Variants in ELF3 observed in about 807,000 individuals in gnomAD.
ELF3 encodes E74 like ETS transcription factor 3.
A neutral mutation model predicts 43.9 loss-of-function variants in ELF3; 18 were observed. The observed-to-expected ratio is 0.41, with a 90% confidence interval of 0.28 to 0.61. The LOEUF (loss-of-function observed/expected upper bound fraction) is 0.61, where lower values mean the gene tolerates loss of function less well. Ranked by LOEUF, ELF3 falls within the 20% of genes least tolerant of loss-of-function variation. The pLI is 0.30. For synonymous variants in ELF3, 181 were observed against 190.2 expected, an observed-to-expected ratio of 0.95 and a Z score of 0.40; for missense variants, 373 against 487.7, an observed-to-expected ratio of 0.76 and a Z score of 2.21.
At chr1:202,011,034 T>C in intron 1 of ELF3, 95 bp from the exon 2 acceptor site, 1 of 1,430,976 alleles carries the variant, frequency 7.0e-7, no homozygotes, top group Non-Finnish European at 9.6e-7. Flanking sequence ...TGGGGGCTAC[T>C]CTTGCCCAGG....
Position 202,015,450 on chromosome 1 carries a change from T to A in ELF3, c.*127T>A. On this transcript the variant is annotated 3_prime_UTR_variant, in exon 9 of 9. Coordinates refer to ENST00000367284, the MANE Select transcript of ELF3 (RefSeq NM_004433.5). ...TCCCAGCTGTGCTGTGGAGAGAAGC[T>A]GATGTTTTGGTGTATTGTCAGCCAT... is the stretch of plus-strand genomic sequence containing the variant. The A allele has an allele frequency of 1.1e-6, 1 of 915,298 alleles. No individual in the cohort carries two copies. The highest frequency in any genetic ancestry group is 1.7e-6 in the Non-Finnish European group (1 of 598,742). 56.7% of individuals were successfully genotyped at this position (915,298 alleles called of 1,614,324 possible). A position where few individuals can be genotyped will look rare whatever the true frequency, so the allele number is the denominator to read the frequency against.
At position 202,010,631 on chromosome 1, in the gene ELF3, C is replaced by T. The variant is rs1449459068; in HGVS notation, c.-84C>T. On this transcript the variant is annotated 5_prime_UTR_variant, in exon 1 of 9. Transcript: ENST00000367284. The surrounding 1 kb of genome is among the most constrained non-coding windows in gnomAD (Gnocchi z 4.3). ...GTAGGGGAGCGCAGCGGCCAGATAC[C>T]TCAGCGCTACCTGGCGGAACTGGAT... is the stretch of plus-strand genomic sequence containing the variant. 6.3e-6 allele frequency: 1 copy of T among 159,978 alleles called. No homozygotes were observed. The highest frequency in any genetic ancestry group is 1.4e-5 in the Non-Finnish European group (1 of 72,572). 9.9% of individuals were successfully genotyped at this position (159,978 alleles called of 1,614,324 possible).
At position 202,012,061 on chromosome 1, in the gene ELF3, A is replaced by G. The variant is rs141645774; in HGVS notation, c.268A>G (p.Ile90Val). The change falls in exon 3 of 9, where the codon ATT (isoleucine) becomes GTT (valine). Residue 90 changes from isoleucine (I) to valine (V), a missense_variant. Ile to Val is a conservative substitution (Grantham distance 29). Around this residue, in one of 3 missense-constraint regions of ELF3, gnomAD observed 311 missense variants for 351.2 expected, o/e 0.89. Transcript: ENST00000367284. This position sits in a 1 kb window ranked among gnomAD's most constrained non-coding sequence, Gnocchi z 4.2. ...VEKNKYDASA[I>V]DFSRCDMDGA... ...GAAGAACAAGTACGACGCAAGCGCC[A>G]TTGACTTCTCACGATGTGACATGGA... 142 of 1,614,206 alleles carry G rather than the reference A, an allele frequency of 8.8e-5. No individual in the cohort carries two copies. The African/African-American group carries it at 1.5e-3, about 17-fold the overall frequency.
rs1185547721 is a variant in ELF3, at chr1:202,012,891, G to A, written c.599-56G>A. On this transcript the variant is annotated intron_variant, in intron 5 of 8. Transcript: ENST00000367284. The surrounding 1 kb of genome is among the most constrained non-coding windows in gnomAD (Gnocchi z 4.2). The stretch of plus-strand genomic sequence containing the variant: ...GGGAAGTGTGTCCTGAGAGCCAGCA[G>A]CGTGGTTGAGCAGAGGGTGGGCCGG... 1.2e-5 allele frequency: 19 copies of A among 1,571,746 alleles called. No homozygotes were observed. Among genetic ancestry groups the A allele is most frequent in the Non-Finnish European group, 5.2e-6 (6 of 1,160,618 alleles).
In ELF3 at chr1:202,015,488, C is replaced by T. The variant is rs1049799797; in HGVS notation, c.*165C>T. 2.1e-5 allele frequency: 14 copies of T among 681,712 alleles called. No homozygotes were observed. Among genetic ancestry groups the T allele is most frequent in the Admixed American group, 1.3e-4 (5 of 37,552 alleles). The allele number at this position is 681,712 out of a possible 1,614,324, so 42.2% of individuals were successfully genotyped here. A position where few individuals can be genotyped will look rare whatever the true frequency, so the allele number is the denominator to read the frequency against. ...TATTGTCAGCCATCGTCCTGGGACT[C>T]GGAGACTATGGCCTCGCCTCCCCAC... On this transcript the variant is annotated 3_prime_UTR_variant, in exon 9 of 9. Coordinates refer to ENST00000367284, the MANE Select transcript of ELF3 (RefSeq NM_004433.5).
chr1:202,013,721 T>A lies in ELF3; in HGVS notation c.806-108T>A. On this transcript the variant is annotated intron_variant, in intron 7 of 8. Transcript: ENST00000367284. The surrounding 1 kb of genome is among the most constrained non-coding windows in gnomAD (Gnocchi z 5.7). ...GCACTGCGGGGTCTCTGGAGAGGCT[T>A]GCTGCATGCTGTGGCCAAGTCAGCA... 1 of 1,259,498 alleles carries A rather than the reference T, an allele frequency of 7.9e-7. No individual in the cohort carries two copies. The highest frequency in any genetic ancestry group is 1.1e-6 in the Non-Finnish European group (1 of 915,744). The allele number at this position is 1,259,498 out of a possible 1,614,324, so 78.0% of individuals were successfully genotyped here.
chr1:202,010,829 C>A lies in ELF3; in HGVS notation c.-9+123C>A, dbSNP rs2102990797. On this transcript the variant is annotated intron_variant, in intron 1 of 8. Transcript: ENST00000367284. This position sits in a 1 kb window ranked among gnomAD's most constrained non-coding sequence, Gnocchi z 4.3. Reference sequence around the variant, plus strand: ...GATCTCCGAGCAAGAGCGTAGGTGTCCTGAGGGTCAAAGAACAGAGAGAGA... The same window carrying A: ...GATCTCCGAGCAAGAGCGTAGGTGTACTGAGGGTCAAAGAACAGAGAGAGA... 1 of 359,116 alleles carries A rather than the reference C, an allele frequency of 2.8e-6. No individual in the cohort carries two copies. Among genetic ancestry groups the A allele is most frequent in the Non-Finnish European group, 5.2e-6 (1 of 194,084 alleles). 22.2% of individuals were successfully genotyped at this position (359,116 alleles called of 1,614,324 possible).
rs1411120040 is a variant in ELF3, at chr1:202,012,876, T to C, written c.599-71T>C. On this transcript the variant is annotated intron_variant, in intron 5 of 8. Transcript: ENST00000367284. This position sits in a 1 kb window ranked among gnomAD's most constrained non-coding sequence, Gnocchi z 4.2. ...GAACAGGAACAGGCTGGGAAGTGTG[T>C]CCTGAGAGCCAGCAGCGTGGTTGAG... The C allele has an allele frequency of 4.5e-5, 70 of 1,562,508 alleles. No homozygotes were observed. Among genetic ancestry groups the C allele is most frequent in the Non-Finnish European group, 6.0e-5 (69 of 1,155,786 alleles).
intron 8 of ELF3, 77 bp from the exon 9 acceptor site, chr1:202,015,132 C>A (rs1020288130): frequency 4.0e-6 from 6 of 1,481,938 alleles, no homozygotes; most frequent in African/African-American, 1.4e-5. Context: ...GGGGGTAACG[C>A]GGGCCAGGTG....
chr1:202,014,787 A>G (rs1478701706), intron 8 of ELF3: 1 of 167,302 alleles, frequency 6.0e-6, no homozygotes, highest in Non-Finnish European at 1.3e-5. Context: ...TTGTATTTTT[A>G]GTAGAGACGG....
At position 202,015,794 on chromosome 1, in the gene ELF3, CTAATT is replaced by C. The variant is rs1400236100; in HGVS notation, c.*474_*478del. On this transcript the variant is annotated 3_prime_UTR_variant, in exon 9 of 9. Coordinates refer to ENST00000367284, the MANE Select transcript of ELF3 (RefSeq NM_004433.5). ...CCACGGGCAGGGGTCAGAGCACTCC[CTAATT>C]TATGTGCTATATAAATATGTCAGAT... 1 of 174,074 alleles carries C rather than the reference CTAATT, an allele frequency of 5.7e-6. No homozygotes were observed. Among genetic ancestry groups the C allele is most frequent in the Non-Finnish European group, 1.3e-5 (1 of 79,384 alleles). 10.8% of individuals were successfully genotyped at this position (174,074 alleles called of 1,614,324 possible).
In ELF3 at chr1:202,016,089, T is replaced by C. The variant is rs1181083539; in HGVS notation, c.*766T>C. 6.6e-6 allele frequency: 1 copy of C among 152,350 alleles called. No individual in the cohort carries two copies. Among genetic ancestry groups the C allele is most frequent in the Non-Finnish European group, 1.5e-5 (1 of 68,116 alleles). The allele number at this position is 152,350 out of a possible 1,614,324, so 9.4% of individuals were successfully genotyped here. A position where few individuals can be genotyped will look rare whatever the true frequency, so the allele number is the denominator to read the frequency against. The stretch of plus-strand genomic sequence containing the variant: ...AGGTTGGAGGGGAGGAAAATGAAGG[T>C]CTACCAGGCTGAGGGTGAGGGCAAA... On this transcript the variant is annotated 3_prime_UTR_variant, in exon 9 of 9. Coordinates refer to ENST00000367284, the MANE Select transcript of ELF3 (RefSeq NM_004433.5).
At chr1:202,014,126 G>A in intron 8 of ELF3, 102 bp downstream of exon 8, 1 of 1,368,426 alleles carries the variant, frequency 7.3e-7, no homozygotes. Context: ...TCTTGCAACA[G>A]GGCTGAGTCC....
chr1:202,015,473 C>T lies in ELF3; in HGVS notation c.*150C>T, dbSNP rs370839988. The stretch of plus-strand genomic sequence containing the variant: ...GCTGATGTTTTGGTGTATTGTCAGC[C>T]ATCGTCCTGGGACTCGGAGACTATG... On this transcript the variant is annotated 3_prime_UTR_variant, in exon 9 of 9. Coordinates refer to ENST00000367284, the MANE Select transcript of ELF3 (RefSeq NM_004433.5). 1 of 753,806 alleles carries T rather than the reference C, an allele frequency of 1.3e-6. No homozygotes were observed. Among genetic ancestry groups the T allele is most frequent in the Non-Finnish European group, 2.2e-6 (1 of 464,438 alleles). 46.7% of individuals were successfully genotyped at this position (753,806 alleles called of 1,614,324 possible). A position where few individuals can be genotyped will look rare whatever the true frequency, so the allele number is the denominator to read the frequency against.
At position 202,013,376 on chromosome 1, in the gene ELF3, T is replaced by TC; in HGVS notation, c.805+81dup. The TC allele has an allele frequency of 7.0e-7, 1 of 1,438,760 alleles. No homozygotes were observed. Among genetic ancestry groups the TC allele is most frequent in the Non-Finnish European group, 9.6e-7 (1 of 1,037,554 alleles). 89.1% of individuals were successfully genotyped at this position (1,438,760 alleles called of 1,614,324 possible). A position where few individuals can be genotyped will look rare whatever the true frequency, so the allele number is the denominator to read the frequency against. On this transcript the variant is annotated intron_variant, in intron 7 of 8. Coordinates refer to ENST00000367284, the MANE Select transcript of ELF3 (RefSeq NM_004433.5). The surrounding 1 kb of genome is among the most constrained non-coding windows in gnomAD (Gnocchi z 5.7). Reference sequence around the variant, plus strand: ...GGGGCACTGCGGGTTGTTGCAGGTATCCCTTCTCCCGTTTTCTCTGGCCTC... The same window carrying TC: ...GGGGCACTGCGGGTTGTTGCAGGTATCCCCTTCTCCCGTTTTCTCTGGCCTC...
Position 202,013,932 on chromosome 1 carries a change from C to T in ELF3, c.909C>T (p.Phe303=), listed in dbSNP as rs202089261. 2.6e-4 allele frequency: 412 copies of T among 1,614,098 alleles called. 1 individual carries two copies. The highest frequency in any genetic ancestry group is 5.0e-4 in the Middle Eastern group (3 of 6,060). ...GGGAGAATCGGCATGAAGGCGTCTT[C>T]AAGTTCCTGCGCTCCGAGGCTGTGG... ...MKWENRHEGV[F]KFLRSEAVAQ... is the part of the protein sequence containing the mutation. The change falls in exon 8 of 9, where the codon TTC becomes TTT. Residue 303 remains phenylalanine, a synonymous_variant. Transcript: ENST00000367284. The surrounding 1 kb of genome is among the most constrained non-coding windows in gnomAD (Gnocchi z 5.7).
In ELF3 at chr1:202,010,947, TG is replaced by T; in HGVS notation, c.-8-180del. The T allele has an allele frequency of 1.6e-6, 1 of 612,126 alleles. No homozygotes were observed. The highest frequency in any genetic ancestry group is 2.7e-6 in the Non-Finnish European group (1 of 363,840). The allele number at this position is 612,126 out of a possible 1,614,324, so 37.9% of individuals were successfully genotyped here. On this transcript the variant is annotated intron_variant, in intron 1 of 8. Transcript: ENST00000367284. The surrounding 1 kb of genome is among the most constrained non-coding windows in gnomAD (Gnocchi z 4.3). ...AGGGAAGCCCAGCTGGAGGCTCCTG[TG>T]GTCCTGCCCTGGTCTGAGATCTTGG...
rs1457898321 is a variant in ELF3 at position 202,013,002 on chromosome 1, C to T, written c.654C>T (p.Asp218=). 1 of 1,613,856 alleles carries T rather than the reference C, an allele frequency of 6.2e-7. No individual in the cohort carries two copies. Among genetic ancestry groups the T allele is most frequent in the East Asian group, 2.2e-5 (1 of 44,884 alleles). The change falls in exon 6 of 9, where the codon GAC becomes GAT. Residue 218 remains aspartate, a synonymous_variant. Coordinates refer to ENST00000367284, the MANE Select transcript of ELF3 (RefSeq NM_004433.5). This position sits in a 1 kb window ranked among gnomAD's most constrained non-coding sequence, Gnocchi z 5.7. ...CAGACTCCGGTGGAAGTGACGTGGA[C>T]CTGGATCCCACTGATGGCAAGCTCT... is the stretch of plus-strand genomic sequence containing the variant. ...HSSDSGGSDV[D]LDPTDGKLFP... is the part of the protein sequence containing the mutation.
rs1684291924 is a variant in ELF3, at chr1:202,015,441, G to A, written c.*118G>A. On this transcript the variant is annotated 3_prime_UTR_variant, in exon 9 of 9. Coordinates refer to ENST00000367284, the MANE Select transcript of ELF3 (RefSeq NM_004433.5). Reference sequence around the variant, plus strand: ...GGGGAATGCTCCCAGCTGTGCTGTGGAGAGAAGCTGATGTTTTGGTGTATT... The same window carrying A: ...GGGGAATGCTCCCAGCTGTGCTGTGAAGAGAAGCTGATGTTTTGGTGTATT... 1.0e-6 allele frequency: 1 copy of A among 961,646 alleles called. No homozygotes were observed. 59.6% of individuals were successfully genotyped at this position (961,646 alleles called of 1,614,324 possible).
Sources: allele counts gnomAD v4.1 joint callset, GRCh38; gene constraint gnomAD v4.1.1; regional missense constraint gnomAD v4.1.1; non-coding constraint Gnocchi (gnomAD v3.1); transcripts MANE v1.5; gene names NCBI Gene and HGNC (gene_info 2026-07-23, HGNC 2026-07-21).